The following FBXO25 variants were observed in gnomAD, a reference collection of about 807,000 sequenced individuals.
The protein encoded by FBXO25 is F-box only protein 25.
FBXO25 carries 45 observed loss-of-function variants against 51.9 expected under a neutral mutation model. That is an observed-to-expected ratio of 0.87 (90% CI 0.68 to 1.11). FBXO25 has a LOEUF of 1.11. Ranked by LOEUF, FBXO25 falls within the 50% of genes most tolerant of loss-of-function variation. FBXO25 has a pLI of 0.00. For missense variants in FBXO25, 507 were observed against 428.5 expected (o/e 1.18, Z -1.62); for synonymous variants, 199 against 151.0 (o/e 1.32, Z -2.33).
intron 4 of FBXO25, among the ~76,000 whole-genome samples, chr8:434,800 A>T (rs890188934): frequency 6.6e-6 from 1 of 152,220 alleles, no homozygotes; most frequent in Non-Finnish European, 1.5e-5. Flanking sequence ...ATACAAACCA[A>T]TATAGGATAA....
intron 1 of FBXO25, among the ~76,000 whole-genome samples, chr8:412,493 G>C (rs1584996643): frequency 6.6e-6 from 1 of 152,178 alleles, no homozygotes; most frequent in Admixed American, 6.5e-5. Context: ...TTCTCCCACT[G>C]TGATACTGAG....
intron 2 of FBXO25, among the ~76,000 whole-genome samples, chr8:425,203 A>G (rs1797399847): frequency 6.6e-6 from 1 of 151,340 alleles, no homozygotes; most frequent in Non-Finnish European, 1.5e-5. Context: ...CCAAACTCTT[A>G]TGGTAACCAT....
At chr8:429,065 A>G (rs1241893796) in intron 2 of FBXO25, among the ~76,000 whole-genome samples, 2 of 152,092 alleles carry the variant, frequency 1.3e-5, no homozygotes, top group Non-Finnish European at 2.9e-5. Flanking sequence ...CCAGAAGTGG[A>G]ATTGTTGGAT....
At chr8:415,735 G>A (rs933866665) in intron 2 of FBXO25, among the ~76,000 whole-genome samples, 2 of 152,270 alleles carry the variant, frequency 1.3e-5, no homozygotes, top group African/African-American at 4.8e-5. Context: ...AAATAATCTG[G>A]CTGGGTCTTC....
chr8:411,701 C>A (rs1470255411), intron 1 of FBXO25, among the ~76,000 whole-genome samples: 1 of 152,154 alleles, frequency 6.6e-6, no homozygotes, highest in Non-Finnish European at 1.5e-5. Context: ...TCATTTCAGA[C>A]AGCCCTTACA....
chr8:468,081 C>T (rs540279334), intron 9 of FBXO25: 5 of 1,106,418 alleles, frequency 4.5e-6, no homozygotes, highest in South Asian at 3.5e-5. Context: ...CCTCTGGTCC[C>T]GTTTACCTGC....
At chr8:426,485 G>C (rs1797488041) in intron 2 of FBXO25, among the ~76,000 whole-genome samples, 2 of 152,080 alleles carry the variant, frequency 1.3e-5, no homozygotes, top group Admixed American at 1.3e-4. Context: ...TGAAAGCCAT[G>C]TTAATATCCT....
chr8:457,427 G>C (rs1469060594), intron 7 of FBXO25, among the ~76,000 whole-genome samples: 1 of 152,154 alleles, frequency 6.6e-6, no homozygotes, highest in South Asian at 2.1e-4. Flanking sequence ...CCTCAGCCTG[G>C]CACGTGCACA....
chr8:419,942 T>A (rs1299346718), intron 2 of FBXO25, among the ~76,000 whole-genome samples: 5 of 152,148 alleles, frequency 3.3e-5, no homozygotes, highest in African/African-American at 1.2e-4. Context: ...CAGTAAAAAA[T>A]TGGGCAATAG....
intron 1 of FBXO25, among the ~76,000 whole-genome samples, chr8:411,171 A>G (rs929627551): frequency 3.3e-5 from 5 of 152,252 alleles, no homozygotes; most frequent in African/African-American, 1.2e-4. Flanking sequence ...ACGTGAAATT[A>G]AAGTAATACA....
At chr8:448,709 G>C (rs1585070215) in intron 5 of FBXO25, among the ~76,000 whole-genome samples, 1 of 152,146 alleles carries the variant, frequency 6.6e-6, no homozygotes, top group South Asian at 2.1e-4. Context: ...GTGGTTAGAG[G>C]TTTGTTGACT....
chr8:438,920 A>G (rs957954502), intron 5 of FBXO25, among the ~76,000 whole-genome samples: 7 of 152,056 alleles, frequency 4.6e-5, no homozygotes, highest in African/African-American at 1.7e-4. Context: ...CTGCGTCCCC[A>G]TCCCAGTTGA....
intron 5 of FBXO25, among the ~76,000 whole-genome samples, chr8:442,288 T>A (rs1585057111): frequency 4.6e-5 from 2 of 43,812 alleles, no homozygotes; most frequent in East Asian, 2.6e-4. Flanking sequence ...ACTCCAATTA[T>A]TTTTTTTTTT....
chr8:412,916 G>A (rs1796570148), intron 1 of FBXO25, among the ~76,000 whole-genome samples, 157 bp from the exon 2 acceptor site: 1 of 152,168 alleles, frequency 6.6e-6, no homozygotes, highest in South Asian at 2.1e-4. Flanking sequence ...ACAGTACTGT[G>A]TTATTGTCAC....
chr8:445,883 CAAAA>C, intron 5 of FBXO25, among the ~76,000 whole-genome samples: 1 of 152,080 alleles, frequency 6.6e-6, no homozygotes, highest in East Asian at 1.9e-4. Flanking sequence ...CAAAACAAAA[CAAAA>C]AAACAGTAAG....
At chr8:407,531 C>T (rs1305298817) in intron 1 of FBXO25, 5 of 797,984 alleles carry the variant, frequency 6.3e-6, no homozygotes, top group African/African-American at 3.8e-5. Context: ...GCTTCCCCTG[C>T]CCACCTTCTG....
At chr8:467,091 A>G (rs1380991226) in intron 9 of FBXO25, among the ~76,000 whole-genome samples, 1 of 152,120 alleles carries the variant, frequency 6.6e-6, no homozygotes, top group Admixed American at 6.5e-5. Flanking sequence ...TGAGGTGTCC[A>G]TGGTCTGGTG....
chr8:438,606 C>T (rs1159962081), intron 5 of FBXO25, among the ~76,000 whole-genome samples: 2 of 152,200 alleles, frequency 1.3e-5, no homozygotes, highest in East Asian at 3.9e-4. Context: ...AAAATGGCCC[C>T]ACCTTTTGTT....
chr8:461,282 C>G (rs1393445851), intron 8 of FBXO25, among the ~76,000 whole-genome samples: 1 of 152,176 alleles, frequency 6.6e-6, no homozygotes, highest in Non-Finnish European at 1.5e-5. Context: ...AGTCCATTCT[C>G]CGCTGCCAAT....
Sources: allele counts gnomAD v4.1 joint callset (sites outside exome capture counted in the v4.1 genomes callset), GRCh38; gene constraint gnomAD v4.1.1; transcripts MANE v1.5; gene names NCBI Gene and HGNC (gene_info 2026-07-23, HGNC 2026-07-21).